Variants in NR4A2 observed in about 807,000 individuals in gnomAD.
NR4A2 encodes the protein nuclear receptor subfamily 4 group A member 2.
In NR4A2, 1 loss-of-function variant was observed where a neutral mutation model predicts 50.5. The observed-to-expected ratio is 0.02, with a 90% CI of 0.01 to 0.09. The LOEUF is 0.09. Ranked by LOEUF, NR4A2 falls within the 10% of genes least tolerant of loss-of-function variation. The probability of loss-of-function intolerance (pLI) is 1.00; values close to 1 mark genes in which losing one functional copy is unlikely to be tolerated. For missense variants in NR4A2, 613 were observed against 777.3 expected (o/e 0.79, Z 2.51); for synonymous variants, 328 against 309.4 (o/e 1.06, Z -0.63).
Position 156,327,962 on chromosome 2 carries a change from C to T in NR4A2, c.1047G>A (p.Pro349=), listed in dbSNP as rs749000269. Residue 349 remains proline, a synonymous_variant, in exon 5 of 8, where the codon CCG becomes CCA. Coordinates refer to ENST00000339562, the MANE Select transcript of NR4A2 (RefSeq NM_006186.4). ...KGRRGRLPSK[P]KSPQEPSPPS... ...GGGGAGAGGGCTCCTGTGGGCTCTT[C>T]GGTTTCGAGGGCAAACGACCTCTCC... The T allele has an allele frequency of 3.1e-6, 5 of 1,601,208 alleles. No homozygotes were observed. The highest frequency in any genetic ancestry group is 4.3e-6 in the Non-Finnish European group (5 of 1,173,080).
Position 156,325,129 on chromosome 2 carries a change from A to G in NR4A2, c.*615T>C, listed in dbSNP as rs1259105337. 1 of 152,788 alleles carries G rather than the reference A, an allele frequency of 6.5e-6. No individual in the cohort carries two copies. 9.5% of individuals were successfully genotyped at this position (152,788 alleles called of 1,614,324 possible). ...ACACACTTATCTTTTAGAATTTGTAATATTTATTCATAAATAGGCACAAAA... is the reference window on the plus strand; with the variant it reads ...ACACACTTATCTTTTAGAATTTGTAGTATTTATTCATAAATAGGCACAAAA... On this transcript the variant is annotated 3_prime_UTR_variant, in exon 8 of 8. Coordinates refer to ENST00000339562, the MANE Select transcript of NR4A2 (RefSeq NM_006186.4).
Position 156,326,067 on chromosome 2 carries a change from G to A in NR4A2, c.1541-67C>T. On this transcript the variant is annotated intron_variant, in intron 7 of 7. Coordinates refer to ENST00000339562, the MANE Select transcript of NR4A2 (RefSeq NM_006186.4). The surrounding 1 kb of genome is among the most constrained non-coding windows in gnomAD (Gnocchi z 4.2). ...ACAGTTAGCTAGTTGGCAAAACCAAGGAGAATCTGTGACAAGGGAAACTCA... is the reference window on the plus strand; with the variant it reads ...ACAGTTAGCTAGTTGGCAAAACCAAAGAGAATCTGTGACAAGGGAAACTCA... The A allele has an allele frequency of 1.9e-6, 3 of 1,613,542 alleles. No homozygotes were observed. Among genetic ancestry groups the A allele is most frequent in the Non-Finnish European group, 1.7e-6 (2 of 1,179,674 alleles).
At position 156,326,382 on chromosome 2, in the gene NR4A2, A is replaced by G; in HGVS notation, c.1362-54T>C. ...GAGAAAAAGAGAGAGAGAAAAGCTA[A>G]ACAACTAATTACTTGAAGAGCAATA... On this transcript the variant is annotated intron_variant, in intron 6 of 7. Coordinates refer to ENST00000339562, the MANE Select transcript of NR4A2 (RefSeq NM_006186.4). This position sits in a 1 kb window ranked among gnomAD's most constrained non-coding sequence, Gnocchi z 4.2. The G allele has an allele frequency of 2.7e-6, 4 of 1,492,876 alleles. No individual in the cohort carries two copies. The highest frequency in any genetic ancestry group is 1.4e-5 in the African/African-American group (1 of 72,562). The allele number at this position is 1,492,876 out of a possible 1,614,324, so 92.5% of individuals were successfully genotyped here.
Position 156,330,076 on chromosome 2 carries a change from T to C in NR4A2, c.111A>G (p.Pro37=). ...GGTCCATGCTAAACTTGACAAACTC[T>C]GGAGTTAAGAAATCGGAGCTGTATT... ...SGEYSSDFLT[P]EFVKFSMDLT... Residue 37 remains proline (P), a synonymous_variant, in exon 3 of 8, where the codon CCA becomes CCG. Coordinates refer to ENST00000339562, the MANE Select transcript of NR4A2 (RefSeq NM_006186.4). The C allele has an allele frequency of 1.2e-6, 2 of 1,614,160 alleles. No homozygotes were observed. Among genetic ancestry groups the C allele is most frequent in the Non-Finnish European group, 8.5e-7 (1 of 1,180,040 alleles).
rs772059813 is a variant in NR4A2, at chr2:156,329,377, C to A, written c.810G>T (p.Ala270=). ...EGLCAVCGDN[A]ACQHYGVRTC... ...TGCGCACGCCGTAGTGTTGGCAGGCCGCGTTGTCCCCACACACAGCGCACA... is the reference window on the plus strand; with the variant it reads ...TGCGCACGCCGTAGTGTTGGCAGGCAGCGTTGTCCCCACACACAGCGCACA... Residue 270 remains alanine, a synonymous_variant, in exon 3 of 8, where the codon GCG becomes GCT. Transcript: ENST00000339562. The surrounding 1 kb of genome is among the most constrained non-coding windows in gnomAD (Gnocchi z 7.5). 2 of 1,612,360 alleles carry A rather than the reference C, an allele frequency of 1.2e-6. No homozygotes were observed. The highest frequency in any genetic ancestry group is 1.1e-5 in the South Asian group (1 of 90,930).
In NR4A2 at chr2:156,326,680, A is replaced by T. The variant is rs199720870; in HGVS notation, c.1361+38T>A. The T allele has an allele frequency of 3.2e-6, 5 of 1,568,700 alleles. No individual in the cohort carries two copies. In the South Asian group the frequency reaches 5.6e-5, roughly 18 times the overall value. On this transcript the variant is annotated intron_variant, in intron 6 of 7. Transcript: ENST00000339562. This position sits in a 1 kb window ranked among gnomAD's most constrained non-coding sequence, Gnocchi z 4.2. ...TTCTTTTCCTTTCTTGATTTCTCTCACAGCCTCCCTGGATTGTCTCCCTCC... is the reference window on the plus strand; with the variant it reads ...TTCTTTTCCTTTCTTGATTTCTCTCTCAGCCTCCCTGGATTGTCTCCCTCC...
Position 156,326,480 on chromosome 2 carries a change from T to C in NR4A2, c.1362-152A>G. 1.1e-6 allele frequency: 1 copy of C among 891,168 alleles called. No homozygotes were observed. The highest frequency in any genetic ancestry group is 1.8e-6 in the Non-Finnish European group (1 of 562,220). 55.2% of individuals were successfully genotyped at this position (891,168 alleles called of 1,614,324 possible). ...TAGACCAGTGGACCTTGAAAGGGTT[T>C]AATTTCATAACAATCAAGAACGCCC... On this transcript the variant is annotated intron_variant, in intron 6 of 7. Coordinates refer to ENST00000339562, the MANE Select transcript of NR4A2 (RefSeq NM_006186.4). The surrounding 1 kb of genome is among the most constrained non-coding windows in gnomAD (Gnocchi z 4.2).
rs760388915 is a variant in NR4A2, at chr2:156,326,278, T to C, written c.1412A>G (p.His471Arg). Reference protein sequence around the residue: ...KLIFCNGVVLHRLQCVRGFGE... With the variant: ...KLIFCNGVVLRRLQCVRGFGE... ...AAAGCCACGAACGCATTGCAACCTG[T>C]GCAAGACCACCCCATTGCAAAAGAT... is the stretch of plus-strand genomic sequence containing the variant. Residue 471 changes from histidine to arginine, a missense_variant, in exon 7 of 8, where the codon CAC becomes CGC. Coordinates refer to ENST00000339562, the MANE Select transcript of NR4A2 (RefSeq NM_006186.4). This position sits in a 1 kb window ranked among gnomAD's most constrained non-coding sequence, Gnocchi z 4.2. The C allele has an allele frequency of 1.2e-6, 2 of 1,614,208 alleles. No homozygotes were observed. Among genetic ancestry groups the C allele is most frequent in the East Asian group, 2.2e-5 (1 of 44,888 alleles).
chr2:156,329,476 G>A lies in NR4A2; in HGVS notation c.711C>T (p.Ile237=), dbSNP rs200906379. 3.1e-6 allele frequency: 5 copies of A among 1,606,816 alleles called. No individual in the cohort carries two copies. In the Middle Eastern group the frequency reaches 8.3e-4, roughly 265 times the overall value. Residue 237 remains isoleucine, a synonymous_variant, in exon 3 of 8, where the codon ATC becomes ATT. Coordinates refer to ENST00000339562, the MANE Select transcript of NR4A2 (RefSeq NM_006186.4). This position sits in a 1 kb window ranked among gnomAD's most constrained non-coding sequence, Gnocchi z 7.5. The part of the protein sequence containing the change: ...PASMGFPGLQ[I]GHASQLLDTQ... The stretch of plus-strand genomic sequence containing the variant: ...TGTCGAGCAGCTGAGACGCGTGGCC[G>A]ATCTGCAGGCCCGGGAAGCCCATGG...
Position 156,324,622 on chromosome 2 carries a change from TACTC to T in NR4A2, c.*1118_*1121del, listed in dbSNP as rs1236816056. ...CAGAATATGGCAATATTAAAATTCT[TACTC>T]AAACAAAATAATAAATTAACTGACA... On this transcript the variant is annotated 3_prime_UTR_variant, in exon 8 of 8. Coordinates refer to ENST00000339562, the MANE Select transcript of NR4A2 (RefSeq NM_006186.4). 1 of 152,618 alleles carries T rather than the reference TACTC, an allele frequency of 6.6e-6. No homozygotes were observed. Among genetic ancestry groups the T allele is most frequent in the Non-Finnish European group, 1.5e-5 (1 of 68,042 alleles). The allele number at this position is 152,618 out of a possible 1,614,324, so 9.5% of individuals were successfully genotyped here. A position where few individuals can be genotyped will look rare whatever the true frequency, so the allele number is the denominator to read the frequency against.
chr2:156,332,269 A>G (rs1686966055), intron 1 of NR4A2, among the ~76,000 whole-genome samples: 1 of 152,092 alleles, frequency 6.6e-6, no homozygotes, highest in African/African-American at 2.4e-5. Flanking sequence ...CTCTGTCGAG[A>G]GCCAACTCCC....
chr2:156,326,258 C>T lies in NR4A2; in HGVS notation c.1432G>A (p.Gly478Ser). The T allele has an allele frequency of 6.2e-7, 1 of 1,614,192 alleles. No homozygotes were observed. Among genetic ancestry groups the T allele is most frequent in the Non-Finnish European group, 8.5e-7 (1 of 1,180,024 alleles). The change falls in exon 7 of 8, where the codon GGC (glycine) becomes AGC (serine). Residue 478 changes from glycine (G) to serine (S), a missense_variant. This residue lies in a region of NR4A2 where 250 missense variants were observed against 311.3 expected (regional missense o/e 0.80). Transcript: ENST00000339562. This position sits in a 1 kb window ranked among gnomAD's most constrained non-coding sequence, Gnocchi z 4.2. ...ATGGAATCAATCCATTCCCCAAAGC[C>T]ACGAACGCATTGCAACCTGTGCAAG... The part of the protein sequence containing the change: ...VVLHRLQCVR[G>S]FGEWIDSIVE...
rs928638602 is a variant in NR4A2, at chr2:156,332,668, G to A, written c.-315C>T. On this transcript the variant is annotated 5_prime_UTR_variant, in exon 1 of 8. Transcript: ENST00000339562. ...CAAAAGGGACCGCGGAGCCGTGCGC[G>A]AGCCGCCGGGCGGACTGGCCCTGGC... 1 of 407,432 alleles carries A rather than the reference G, an allele frequency of 2.5e-6. No homozygotes were observed. The highest frequency in any genetic ancestry group is 4.7e-6 in the Non-Finnish European group (1 of 213,232). 25.2% of individuals were successfully genotyped at this position (407,432 alleles called of 1,614,324 possible).
intron 1 of NR4A2, 51 bp from the exon 2 acceptor site, chr2:156,330,842 G>A: frequency 8.1e-7 from 1 of 1,239,412 alleles, no homozygotes; most frequent in Admixed American, 3.9e-5. Flanking sequence ...CAGAGATTCA[G>A]CTGGGCATAT....
At position 156,325,656 on chromosome 2, in the gene NR4A2, C is replaced by T. The variant is rs1444556675; in HGVS notation, c.*88G>A. 3.3e-6 allele frequency: 5 copies of T among 1,535,524 alleles called. No homozygotes were observed. The highest frequency in any genetic ancestry group is 4.5e-6 in the Non-Finnish European group (5 of 1,110,732). On this transcript the variant is annotated 3_prime_UTR_variant, in exon 8 of 8. Transcript: ENST00000339562. ...GGGGGCAGCTTGAGCTGAGACTGCT[C>T]ACACGGCTATCTCTGCCCATGTGAC...
Position 156,324,799 on chromosome 2 carries a change from TATCAAC to T in NR4A2, c.*939_*944del, listed in dbSNP as rs1686568109. The T allele has an allele frequency of 6.5e-6, 1 of 152,672 alleles. No individual in the cohort carries two copies. Among genetic ancestry groups the T allele is most frequent in the African/African-American group, 2.4e-5 (1 of 41,470 alleles). The allele number at this position is 152,672 out of a possible 1,614,324, so 9.5% of individuals were successfully genotyped here. ...ATAATCAAGATATAAACTTTCTTTT[TATCAAC>T]ATCAACGGTACATACAACACTTACA... On this transcript the variant is annotated 3_prime_UTR_variant, in exon 8 of 8. Transcript: ENST00000339562.
chr2:156,328,014 A>C lies in NR4A2; in HGVS notation c.995T>G (p.Val332Gly). The change falls in exon 5 of 8, where the codon GTG becomes GGG. Residue 332 changes from valine (V) to glycine (G), a missense_variant and splice_region_variant. Transcript: ENST00000339562. The surrounding 1 kb of genome is among the most constrained non-coding windows in gnomAD (Gnocchi z 4.9). ...GCCTTTTAAACTGTCTGTGCGAACCACTGCAAAGGAAGAGCCCTGTTAGCG... is the reference window on the plus strand; with the variant it reads ...GCCTTTTAAACTGTCTGTGCGAACCCCTGCAAAGGAAGAGCCCTGTTAGCG... The part of the protein sequence containing the change: ...KCLAVGMVKE[V>G]VRTDSLKGRR... 6.2e-7 allele frequency: 1 copy of C among 1,604,690 alleles called. No individual in the cohort carries two copies. The highest frequency in any genetic ancestry group is 8.5e-7 in the Non-Finnish European group (1 of 1,175,110).
chr2:156,329,215 C>T lies in NR4A2; in HGVS notation c.864+108G>A. 1 of 1,481,254 alleles carries T rather than the reference C, an allele frequency of 6.8e-7. No individual in the cohort carries two copies. The highest frequency in any genetic ancestry group is 1.2e-5 in the South Asian group (1 of 82,576). 91.8% of individuals were successfully genotyped at this position (1,481,254 alleles called of 1,614,324 possible). A position where few individuals can be genotyped will look rare whatever the true frequency, so the allele number is the denominator to read the frequency against. On this transcript the variant is annotated intron_variant, in intron 3 of 7. Transcript: ENST00000339562. This position sits in a 1 kb window ranked among gnomAD's most constrained non-coding sequence, Gnocchi z 7.5. The stretch of plus-strand genomic sequence containing the variant: ...GGCGGACCCCGGAGAGCTGGGCAGT[C>T]CCGGGAGAGCTGGGGCTGGGCTACT...
chr2:156,329,432 G>T lies in NR4A2; in HGVS notation c.755C>A (p.Pro252Gln), dbSNP rs148826679. The T allele has an allele frequency of 5.4e-5, 87 of 1,608,920 alleles. 2 individuals carry two copies. In the Middle Eastern group the frequency reaches 2.8e-3, roughly 52 times the overall value. The stretch of plus-strand genomic sequence containing the variant: ...CTCGTTGGAGGGGGAGCCCCGCGAC[G>T]GCGGTGAGGGCACCTGCGTGTCGAG... ...QLLDTQVPSP[P>Q]SRGSPSNEGL... is the part of the protein sequence containing the mutation. Residue 252 changes from proline to glutamine, a missense_variant, in exon 3 of 8, where the codon CCG becomes CAG. Transcript: ENST00000339562. The surrounding 1 kb of genome is among the most constrained non-coding windows in gnomAD (Gnocchi z 7.5).
Sources: gnomAD v4.1 joint callset for allele counts (sites outside exome capture counted in the v4.1 genomes callset) on GRCh38, gnomAD v4.1.1 for gene constraint, gnomAD v4.1.1 regional missense constraint, Gnocchi (gnomAD v3.1) non-coding constraint, MANE v1.5 for transcripts, NCBI Gene and HGNC (gene_info 2026-07-23, HGNC 2026-07-21) for gene names.